Variants in ESCO1 observed in about 807,000 individuals in gnomAD.
ESCO1 encodes establishment of sister chromatid cohesion N-acetyltransferase 1.
In ESCO1, 33 loss-of-function variants were observed where a neutral mutation model predicts 83.5. The observed-to-expected ratio is 0.40, with a 90% CI of 0.30 to 0.53. The LOEUF (loss-of-function observed/expected upper bound fraction) is 0.53. Ranked by LOEUF, ESCO1 falls within the 20% of genes least tolerant of loss-of-function variation. The pLI, the probability that ESCO1 is intolerant of heterozygous loss-of-function variation, is 0.63. For missense variants in ESCO1, 855 were observed against 968.0 expected (o/e 0.88, Z 1.55); for synonymous variants, 332 against 324.3 (o/e 1.02, Z -0.25).
At chr18:21,581,492 T>C (rs2038501653) in intron 2 of ESCO1, among the ~76,000 whole-genome samples, 1 of 151,812 alleles carries the variant, frequency 6.6e-6, no homozygotes, top group Non-Finnish European at 1.5e-5. Flanking sequence ...GCACCTGTAA[T>C]GCCAGATACT....
chr18:21,584,186 T>C (rs1457673454), intron 2 of ESCO1, 124 bp downstream of exon 2: 4 of 152,206 alleles, frequency 2.6e-5, no homozygotes, highest in Non-Finnish European at 5.9e-5. Context: ...TTTTATCATG[T>C]AGACATATAA....
intron 8 of ESCO1, among the ~76,000 whole-genome samples, chr18:21,557,865 C>T (rs1472565597): frequency 6.6e-6 from 1 of 152,114 alleles, no homozygotes; most frequent in Non-Finnish European, 1.5e-5. Context: ...GGGAACAGTA[C>T]CTTAGTTCTG....
chr18:21,540,098 G>T, intron 8 of ESCO1, 89 bp from the exon 9 acceptor site: 1 of 1,169,234 alleles, frequency 8.6e-7, no homozygotes, highest in Non-Finnish European at 1.2e-6. Context: ...AAGATAAAAA[G>T]TACATCAATT....
chr18:21,591,816 GCCTT>G (rs1283062145), intron 1 of ESCO1, among the ~76,000 whole-genome samples: 7 of 151,958 alleles, frequency 4.6e-5, no homozygotes, highest in Admixed American at 4.6e-4. Context: ...GGGCCCTGCG[GCCTT>G]CCGCAGTGTT....
chr18:21,575,466 A>C (rs983056508), intron 3 of ESCO1, 36 bp from the exon 4 acceptor site: 8 of 398,244 alleles, frequency 2.0e-5, no homozygotes, highest in Non-Finnish European at 3.5e-5. Flanking sequence ...AGTTTTGTAC[A>C]ATCCATGAAA....
chr18:21,571,724 C>G (rs1393346864), intron 4 of ESCO1, among the ~76,000 whole-genome samples: 1 of 152,202 alleles, frequency 6.6e-6, no homozygotes, highest in African/African-American at 2.4e-5. Context: ...AAGACACACT[C>G]TCCAACTACA....
chr18:21,550,880 AGATG>A (rs2146187551), intron 8 of ESCO1, among the ~76,000 whole-genome samples: 1 of 152,194 alleles, frequency 6.6e-6, no homozygotes, highest in East Asian at 1.9e-4. Context: ...TCGGAGGCCG[AGATG>A]GGCGGATCAC....
chr18:21,539,740 C>T (rs1339489825), intron 9 of ESCO1, among the ~76,000 whole-genome samples, 180 bp downstream of exon 9: 2 of 151,692 alleles, frequency 1.3e-5, no homozygotes, highest in Admixed American at 6.6e-5. Context: ...CCCACCTACT[C>T]GGGAGGTGGA....
chr18:21,578,903 C>T (rs2032688952), intron 2 of ESCO1, among the ~76,000 whole-genome samples: 1 of 152,222 alleles, frequency 6.6e-6, no homozygotes, highest in East Asian at 1.9e-4. Context: ...CTCTGTTGCC[C>T]AGGCTGGAGT....
intron 6 of ESCO1, among the ~76,000 whole-genome samples, 157 bp downstream of exon 6, chr18:21,565,989 T>C (rs1388510996): frequency 2.0e-5 from 3 of 152,034 alleles, no homozygotes; most frequent in Admixed American, 6.6e-5. Flanking sequence ...AAAATGTCCA[T>C]AGTAAACAGT....
chr18:21,572,760 T>C (rs1165234971), intron 4 of ESCO1, among the ~76,000 whole-genome samples: 2 of 151,834 alleles, frequency 1.3e-5, no homozygotes, highest in African/African-American at 4.8e-5. Context: ...AGGTCGGGAG[T>C]TCGAGACCAG....
chr18:21,567,948 A>T, intron 5 of ESCO1, 32 bp downstream of exon 5: 1 of 1,529,642 alleles, frequency 6.5e-7, no homozygotes, highest in East Asian at 2.3e-5. Context: ...ACTGAAGACT[A>T]TGAAATCCAA....
In ESCO1 at chr18:21,566,129, T is replaced by C; in HGVS notation, c.1706+17A>G. On this transcript the variant is annotated intron_variant, in intron 6 of 11. Coordinates refer to ENST00000269214, the MANE Select transcript of ESCO1 (RefSeq NM_052911.3). ...AAGTTAAAATCCTTAAGCTCTAAAA[T>C]TTAATTAATAGCTTACCTGTTATCA... 6.2e-7 allele frequency: 1 copy of C among 1,607,184 alleles called. No homozygotes were observed. Among genetic ancestry groups the C allele is most frequent in the Non-Finnish European group, 8.5e-7 (1 of 1,176,972 alleles).
chr18:21,552,757 C>T (rs2038061512), intron 8 of ESCO1, among the ~76,000 whole-genome samples: 1 of 152,166 alleles, frequency 6.6e-6, no homozygotes, highest in African/African-American at 2.4e-5. Context: ...AGCCTTTCAA[C>T]AAATGGTGCT....
rs2038400669 is a variant in ESCO1 at position 21,574,978 on chromosome 18, A to G, written c.-135T>C. 2.9e-5 allele frequency: 18 copies of G among 617,464 alleles called. 1 individual carries two copies. The highest frequency in any genetic ancestry group is 4.4e-4 in the Middle Eastern group (1 of 2,264). 38.2% of individuals were successfully genotyped at this position (617,464 alleles called of 1,614,324 possible). A position where few individuals can be genotyped will look rare whatever the true frequency, so the allele number is the denominator to read the frequency against. ...TCAACTTTAACTGATGCTGATATAC[A>G]TTTTCAACAAAAATACTAGTTTGCT... On this transcript the variant is annotated 5_prime_UTR_variant, in exon 4 of 12. It removes an upstream start codon present in the reference 5' UTR. Transcript: ENST00000269214.
At chr18:21,578,715 T>G (rs1345485233) in intron 2 of ESCO1, among the ~76,000 whole-genome samples, 1 of 152,176 alleles carries the variant, frequency 6.6e-6, no homozygotes, top group Admixed American at 6.5e-5. Flanking sequence ...AAATTTTTTT[T>G]GAGACAAAGT....
At chr18:21,598,226 G>A (rs1469920432) in intron 1 of ESCO1, among the ~76,000 whole-genome samples, 2 of 152,142 alleles carry the variant, frequency 1.3e-5, no homozygotes, top group Non-Finnish European at 2.9e-5. Flanking sequence ...ACTGTGCAGC[G>A]CTGGTCACGT....
At chr18:21,595,877 T>C (rs1488218544) in intron 1 of ESCO1, among the ~76,000 whole-genome samples, 1 of 149,942 alleles carries the variant, frequency 6.7e-6, no homozygotes, top group Non-Finnish European at 1.5e-5. Flanking sequence ...GGCAGGACAA[T>C]GGCATGAACC....
chr18:21,537,064 T>A (rs1390987083), intron 9 of ESCO1, among the ~76,000 whole-genome samples: 1 of 152,216 alleles, frequency 6.6e-6, no homozygotes, highest in Non-Finnish European at 1.5e-5. Flanking sequence ...CCATGTCAGA[T>A]ATTAGACATC....
Sources: allele counts gnomAD v4.1 joint callset (sites outside exome capture counted in the v4.1 genomes callset), GRCh38; gene constraint gnomAD v4.1.1; transcripts MANE v1.5; gene names NCBI Gene and HGNC (gene_info 2026-07-23, HGNC 2026-07-21).